The following ANO4 variants were observed in gnomAD, a reference collection of about 807,000 sequenced individuals.
ANO4 encodes the protein anoctamin-4.
A neutral mutation model predicts 141.9 loss-of-function variants in ANO4; 69 were observed. The ratio of observed to expected loss-of-function variants is 0.49; its 90% CI spans 0.40 to 0.59. The LOEUF (loss-of-function observed/expected upper bound fraction) is 0.59, where lower values mean the gene tolerates loss of function less well. Among genes scored for constraint, ANO4 ranks in the 20% least tolerant of loss-of-function variants. The pLI, the probability that ANO4 is intolerant of heterozygous loss-of-function variation, is 0.00. For missense variants in ANO4, 894 were observed against 1,162.2 expected (o/e 0.77, Z 3.36); for synonymous variants, 350 against 394.3 (o/e 0.89, Z 1.33).
chr12:100,815,746 C>CAT (rs1384286760), intron 1 of ANO4, among the ~76,000 whole-genome samples: 181 of 142,628 alleles, frequency 1.3e-3, no homozygotes, highest in Non-Finnish European at 2.3e-3. Context: ...AATAACTTTA[C>CAT]ATATATATGT....
chr12:100,943,158 C>T (rs1284821573), intron 5 of ANO4, among the ~76,000 whole-genome samples: 1 of 152,174 alleles, frequency 6.6e-6, no homozygotes, highest in Non-Finnish European at 1.5e-5. Context: ...CCAGCCAGGC[C>T]TCTGATAGTA....
At chr12:101,104,589 A>G (rs1158963227) in intron 22 of ANO4, among the ~76,000 whole-genome samples, 1 of 124,668 alleles carries the variant, frequency 8.0e-6, no homozygotes, top group African/African-American at 3.3e-5. Flanking sequence ...TTGATAATAT[A>G]TATATGTGTG....
At chr12:100,783,467 C>T (rs971275932) in intron 3 of ANO4, among the ~76,000 whole-genome samples, 1 of 152,168 alleles carries the variant, frequency 6.6e-6, no homozygotes, top group African/African-American at 2.4e-5. Context: ...AATCCATCTC[C>T]TTTCCAATTT....
intron 2 of ANO4, among the ~76,000 whole-genome samples, chr12:100,735,739 C>T (rs1012733757): frequency 6.6e-6 from 1 of 151,970 alleles, no homozygotes; most frequent in Non-Finnish European, 1.5e-5. Flanking sequence ...CTGAGCTGTT[C>T]CCAGGAATGT....
intron 4 of ANO4, 152 bp downstream of exon 4, chr12:100,939,603 A>T (rs904718304): frequency 1.2e-6 from 1 of 815,152 alleles, no homozygotes; most frequent in Admixed American, 3.3e-5. Flanking sequence ...GACATCCCCC[A>T]TGTCTAAGCA....
chr12:101,048,335 T>C lies in ANO4; in HGVS notation c.1252-6T>C, dbSNP rs1466465976. ...TTAACTCAGCACCGATTCTTATTAT[T>C]CACAGGTAACCCACCTTTTTGACAA... On this transcript the variant is annotated splice_polypyrimidine_tract_variant and splice_region_variant and intron_variant, in intron 13 of 27. Coordinates refer to ENST00000392977, the MANE Select transcript of ANO4 (RefSeq NM_001286615.2). The C allele has an allele frequency of 6.2e-7, 1 of 1,613,522 alleles. No homozygotes were observed. The highest frequency in any genetic ancestry group is 2.2e-5 in the East Asian group (1 of 44,826).
intron 5 of ANO4, among the ~76,000 whole-genome samples, chr12:100,964,590 A>G (rs1041266855): frequency 6.6e-6 from 1 of 152,164 alleles, no homozygotes; most frequent in Non-Finnish European, 1.5e-5. Flanking sequence ...AGTGATGCCC[A>G]GATAGTTACC....
chr12:101,073,642 CT>C (rs2048914514), intron 14 of ANO4, among the ~76,000 whole-genome samples: 1 of 151,226 alleles, frequency 6.6e-6, no homozygotes. Flanking sequence ...AGCCCTGTCC[CT>C]TTTGTGTCTG....
rs746289780 is a variant in ANO4 at position 101,094,238 on chromosome 12, A to C, written c.1702-18A>C. 46 of 1,603,442 alleles carry C rather than the reference A, an allele frequency of 2.9e-5. No homozygotes were observed. In the East Asian group the frequency reaches 1.0e-3, roughly 36 times the overall value. On this transcript the variant is annotated intron_variant, in intron 17 of 27. Coordinates refer to ENST00000392977, the MANE Select transcript of ANO4 (RefSeq NM_001286615.2). ...TACGTGCAGTTCATTTATTAAATGC[A>C]TGAAATTTATTTTACAGCTCTATGA...
chr12:101,031,422 G>T (rs1310652504), intron 9 of ANO4, among the ~76,000 whole-genome samples: 6 of 152,118 alleles, frequency 3.9e-5, no homozygotes, highest in Non-Finnish European at 8.8e-5. Context: ...ACTAGGTGTC[G>T]ATTGAACATA....
chr12:100,895,744 C>T (rs1191868573), intron 1 of ANO4, among the ~76,000 whole-genome samples: 3 of 151,708 alleles, frequency 2.0e-5, no homozygotes, highest in African/African-American at 7.3e-5. Flanking sequence ...GTATTTTTAG[C>T]AGAGATGGGG....
chr12:100,856,092 T>C (rs2038151865), intron 1 of ANO4, among the ~76,000 whole-genome samples: 1 of 152,060 alleles, frequency 6.6e-6, no homozygotes, highest in African/African-American at 2.4e-5. Context: ...TATGAAAAAG[T>C]CTACAGTGCA....
At chr12:100,865,842 G>A (rs757004397) in intron 1 of ANO4, among the ~76,000 whole-genome samples, 1 of 152,136 alleles carries the variant, frequency 6.6e-6, no homozygotes, top group Non-Finnish European at 1.5e-5. Context: ...ATGAAGCTCT[G>A]TTTATCTCCC....
chr12:100,782,840 G>A lies in ANO4; in HGVS notation c.358+42735G>A, dbSNP rs117976627. On this transcript the variant is annotated intron_variant, in intron 3 of 29. Transcript: ENST00000644049. ...CTTTCTCTTTCCCACGAAGCAGTCAGCTTTCATTCTGTATATTAACTCCAA... is the reference window on the plus strand; with the variant it reads ...CTTTCTCTTTCCCACGAAGCAGTCAACTTTCATTCTGTATATTAACTCCAA... Among the ~76,000 whole-genome samples the A allele has an allele frequency of 3.0e-3, 463 of 152,270 alleles. 1 individual carries two copies. The highest frequency in any genetic ancestry group is 4.9e-3 in the Non-Finnish European group (336 of 68,022).
chr12:100,768,650 T>C (rs1323069605), intron 3 of ANO4, among the ~76,000 whole-genome samples: 3 of 152,214 alleles, frequency 2.0e-5, no homozygotes, highest in Non-Finnish European at 4.4e-5. Context: ...CTTCAGTGTA[T>C]TTGTTGAATT....
rs183600555 is a variant in ANO4, at chr12:100,891,052, T to G, written c.-140-10594T>G. Among the ~76,000 whole-genome samples the G allele has an allele frequency of 1.2e-4, 19 of 152,330 alleles. No homozygotes were observed. The South Asian group carries it at 3.5e-3, about 28-fold the overall frequency. ...AGTTGGAACTATGTAATATGTAGCC[T>G]TTTCAGACTGGCTTCTTTCACTTAG... On this transcript the variant is annotated intron_variant, in intron 1 of 27. Transcript: ENST00000392977.
At chr12:101,068,516 C>G in intron 14 of ANO4, 1 of 1,119,186 alleles carries the variant, frequency 8.9e-7, no homozygotes, top group South Asian at 1.2e-5. Context: ...TCATATTTTC[C>G]TGGAATATGA....
intron 8 of ANO4, among the ~76,000 whole-genome samples, chr12:101,009,503 A>G (rs1420565632): frequency 6.6e-6 from 1 of 152,142 alleles, no homozygotes; most frequent in Non-Finnish European, 1.5e-5. Flanking sequence ...TAAAACCAAA[A>G]TCTGTTTTTC....
intron 14 of ANO4, among the ~76,000 whole-genome samples, chr12:101,054,200 T>C (rs1330827112): frequency 2.1e-5 from 2 of 96,628 alleles, no homozygotes; most frequent in African/African-American, 1.1e-4. Flanking sequence ...TATTATAAAT[T>C]GCTCTTTCAA....
Sources: allele counts gnomAD v4.1 joint callset (sites outside exome capture counted in the v4.1 genomes callset), GRCh38; gene constraint gnomAD v4.1.1; transcripts MANE v1.5; gene names NCBI Gene and HGNC (gene_info 2026-07-23, HGNC 2026-07-21).